The following RDH13 variants were observed in gnomAD, a reference collection of about 807,000 sequenced individuals.
RDH13 encodes the protein retinol dehydrogenase 13 (all-trans and 9-cis).
Under a neutral mutation model 28.3 loss-of-function variants are expected in RDH13, and 35 were observed. That is an observed-to-expected ratio of 1.24 (90% confidence interval 0.95 to 1.64). The LOEUF is 1.64. Among genes scored for constraint, RDH13 ranks in the 40% most tolerant of loss-of-function variants. The pLI, the probability that RDH13 is intolerant of heterozygous loss-of-function variation, is 0.00. For missense variants in RDH13, 514 were observed against 446.3 expected (o/e 1.15, Z -1.37); for synonymous variants, 229 against 198.5 (o/e 1.15, Z -1.29).
upstream of RDH13, chr19:55,063,416 T>G (rs1023242267): frequency 4.1e-5 from 10 of 246,230 alleles, no homozygotes; most frequent in Non-Finnish European, 7.8e-5. Flanking sequence ...AATTCCAGAC[T>G]GTGACCCTCT....
At chr19:55,059,053 T>C (rs1048418453) in intron 2 of RDH13, 104 bp downstream of exon 2, 4 of 721,334 alleles carry the variant, frequency 5.5e-6, no homozygotes, top group Non-Finnish European at 9.8e-6. Flanking sequence ...TGTTCATCTG[T>C]GGATGGGTGC....
In RDH13 at chr19:55,063,064, G is replaced by GGA; in HGVS notation, c.-33_-32insTC. 2 of 1,203,838 alleles carry GGA rather than the reference G, an allele frequency of 1.7e-6. No homozygotes were observed. The highest frequency in any genetic ancestry group is 2.1e-6 in the Non-Finnish European group (2 of 971,050). 74.6% of individuals were successfully genotyped at this position (1,203,838 alleles called of 1,614,324 possible). Reference sequence around the variant, plus strand: ...CCGGGGACAGGCGTCAGGCGTCAGGGGTCGGCGCGGAGCTTGCTGCACACC... The same window carrying GGA: ...CCGGGGACAGGCGTCAGGCGTCAGGGGAGTCGGCGCGGAGCTTGCTGCACACC... On this transcript the variant is annotated 5_prime_UTR_variant, in exon 1 of 7. Coordinates refer to ENST00000415061, the MANE Select transcript of RDH13 (RefSeq NM_001145971.2).
At chr19:55,054,709 T>C (rs554169297) in intron 3 of RDH13, among the ~76,000 whole-genome samples, 1 of 151,394 alleles carries the variant, frequency 6.6e-6, no homozygotes, top group East Asian at 2.0e-4. Context: ...GCTGGGACTG[T>C]AGGCACATGC....
chr19:55,052,974 T>A (rs2075505469), intron 3 of RDH13, among the ~76,000 whole-genome samples: 1 of 151,806 alleles, frequency 6.6e-6, no homozygotes. Context: ...TTGTTTTGTA[T>A]TTTTTGTAGA....
In RDH13 at chr19:55,044,971, T is replaced by G. The variant is rs1173609335; in HGVS notation, c.*103A>C. The stretch of plus-strand genomic sequence containing the variant: ...CTACTGCGGGCATGGCGGCCGCCAG[T>G]CCTGGGTCTCCCGGCTCAGGTAGTG... On this transcript the variant is annotated 3_prime_UTR_variant, in exon 7 of 7. Transcript: ENST00000415061. The G allele has an allele frequency of 1.1e-6, 1 of 881,160 alleles. No individual in the cohort carries two copies. The highest frequency in any genetic ancestry group is 1.7e-6 in the Non-Finnish European group (1 of 575,832). 54.6% of individuals were successfully genotyped at this position (881,160 alleles called of 1,614,324 possible).
intron 2 of RDH13, among the ~76,000 whole-genome samples, chr19:55,058,733 T>G (rs2075715943): frequency 6.6e-6 from 1 of 152,094 alleles, no homozygotes; most frequent in Non-Finnish European, 1.5e-5. Context: ...CAGGCTGGAG[T>G]GCCGTGGCGC....
intron 2 of RDH13, among the ~76,000 whole-genome samples, chr19:55,057,250 TAC>T (rs2075667331): frequency 6.6e-6 from 1 of 152,134 alleles, no homozygotes; most frequent in Admixed American, 6.6e-5. Flanking sequence ...GAGAGGGAAT[TAC>T]AGCTTGATAG....
intron 5 of RDH13, among the ~76,000 whole-genome samples, chr19:55,047,836 A>G (rs1878829901): frequency 6.6e-6 from 1 of 152,206 alleles, no homozygotes; most frequent in African/African-American, 2.4e-5. Flanking sequence ...TTTCAGAAGC[A>G]AAGGCCTAGC....
chr19:55,056,551 A>G, intron 3 of RDH13, 102 bp downstream of exon 3: 1 of 1,443,642 alleles, frequency 6.9e-7, no homozygotes, highest in South Asian at 1.5e-5. Context: ...ATAGTTTGCC[A>G]AAACTCTGCT....
chr19:55,056,171 AAAAC>A (rs747167955), intron 3 of RDH13, among the ~76,000 whole-genome samples: 4 of 150,426 alleles, frequency 2.7e-5, no homozygotes, highest in African/African-American at 4.9e-5. Context: ...ACAAACAAAC[AAAAC>A]AAAGTCAGCC....
intron 1 of RDH13, 26 bp from the exon 2 acceptor site, chr19:55,059,301 G>C: frequency 6.7e-7 from 1 of 1,488,910 alleles, no homozygotes; most frequent in Non-Finnish European, 9.2e-7. Context: ...GGCACGGTCA[G>C]TCCTGTGGGC....
Position 55,059,249 on chromosome 19 carries a change from G to A in RDH13, c.92C>T (p.Pro31Leu). The A allele has an allele frequency of 1.2e-6, 2 of 1,602,798 alleles. No homozygotes were observed. Among genetic ancestry groups the A allele is most frequent in the Non-Finnish European group, 1.7e-6 (2 of 1,174,892 alleles). The change falls in exon 2 of 7, where the codon CCC (proline) becomes CTC (leucine). Residue 31 changes from proline (P) to leucine (L), a missense_variant. By Grantham distance (98) the Pro-to-Leu change is moderately conservative. Transcript: ENST00000415061. ...CTTCCCAGGGATGGTGGCCTTGCTG[G>A]GGCAAGCCCCACCGGTGACATAGTC... ...LKDYVTGGACPSKATIPGKTV... is the reference protein window; with the variant it reads ...LKDYVTGGACLSKATIPGKTV...
At chr19:55,052,293 A>G (rs954695557) in intron 3 of RDH13, among the ~76,000 whole-genome samples, 11 of 151,862 alleles carry the variant, frequency 7.2e-5, no homozygotes, top group African/African-American at 2.4e-4. Context: ...CTGTAATCCC[A>G]GCTACTCAGG....
At chr19:55,062,847 C>T in intron 1 of RDH13, 121 bp downstream of exon 1, 1 of 890,812 alleles carries the variant, frequency 1.1e-6, no homozygotes, top group Non-Finnish European at 1.6e-6. Flanking sequence ...CGGGCGGGCA[C>T]TGCGGGTCGG....
downstream of RDH13, among the ~76,000 whole-genome samples, chr19:55,040,111 G>C (rs527261592): frequency 5.3e-4 from 81 of 152,266 alleles, no homozygotes; most frequent in African/African-American, 1.9e-3. Context: ...AGTGGTGATG[G>C]TTACACAACA....
rs925914134 is a variant in RDH13, at chr19:55,048,410, T to G, written c.577A>C (p.Lys193Gln). 1 of 1,613,894 alleles carries G rather than the reference T, an allele frequency of 6.2e-7. No homozygotes were observed. Among genetic ancestry groups the G allele is most frequent in the Non-Finnish European group, 8.5e-7 (1 of 1,179,826 alleles). The change falls in exon 5 of 7, where the codon AAG (lysine) becomes CAG (glutamine). Residue 193 changes from lysine to glutamine, a missense_variant. By Grantham distance (53) the Lys-to-Gln change is moderately conservative. Coordinates refer to ENST00000415061, the MANE Select transcript of RDH13 (RefSeq NM_001145971.2). ...CAGTAGGCGGCTTTGGTGTTATACT[T>G]CCTCGTCTGCCAGTTCAAGTCGTCA... ...DFDDLNWQTR[K>Q]YNTKAAYCQS...
Position 55,048,380 on chromosome 19 carries a change from T to G in RDH13, c.607A>C (p.Ser203Arg), listed in dbSNP as rs2075310612. Reference sequence around the variant, plus strand: ...GTGAAGAGGACGATGGCGAGCTTGCTCTGGCAGTAGGCGGCTTTGGTGTTA... The same window carrying G: ...GTGAAGAGGACGATGGCGAGCTTGCGCTGGCAGTAGGCGGCTTTGGTGTTA... ...KYNTKAAYCQ[S>R]KLAIVLFTKE... The change falls in exon 5 of 7, where the codon AGC (serine) becomes CGC (arginine). Residue 203 changes from serine (S) to arginine (R), a missense_variant. By Grantham distance (110) the Ser-to-Arg change is moderately radical. Coordinates refer to ENST00000415061, the MANE Select transcript of RDH13 (RefSeq NM_001145971.2). 1.2e-6 allele frequency: 2 copies of G among 1,614,072 alleles called. No homozygotes were observed. Among genetic ancestry groups the G allele is most frequent in the Non-Finnish European group, 1.7e-6 (2 of 1,180,050 alleles).
At chr19:55,050,495 C>T (rs757857865) in intron 3 of RDH13, among the ~76,000 whole-genome samples, 8 of 152,100 alleles carry the variant, frequency 5.3e-5, no homozygotes, top group Non-Finnish European at 7.4e-5. Context: ...GCAATCACTG[C>T]TCACTGCAGC....
chr19:55,047,335 A>G (rs896662157), intron 6 of RDH13, 52 bp downstream of exon 6: 1 of 1,587,824 alleles, frequency 6.3e-7, no homozygotes, highest in African/African-American at 1.3e-5. Flanking sequence ...TGGGCTGAGA[A>G]AGCAGGGGTG....
Sources: allele counts gnomAD v4.1 joint callset (sites outside exome capture counted in the v4.1 genomes callset), GRCh38; gene constraint gnomAD v4.1.1; transcripts MANE v1.5; gene names NCBI Gene and HGNC (gene_info 2026-07-23, HGNC 2026-07-21).